PTGR2: variants seen among roughly 807,000 people sequenced by gnomAD.
PTGR2 encodes the protein 15-oxoprostaglandin 13-reductase.
In PTGR2, 32 loss-of-function variants were observed where a neutral mutation model predicts 43.4. That is an observed-to-expected ratio of 0.74 (90% CI 0.56 to 0.99). The LOEUF is 0.99. Among genes scored for constraint, PTGR2 ranks in the 50% least tolerant of loss-of-function variants. The probability of loss-of-function intolerance (pLI) is 0.00; values close to 1 mark genes in which losing one functional copy is unlikely to be tolerated. For synonymous variants in PTGR2, 106 were observed against 139.2 expected, an observed-to-expected ratio of 0.76 and a Z score of 1.68; for missense variants, 373 against 420.0, an observed-to-expected ratio of 0.89 and a Z score of 0.98.
chr14:73,868,571 AC>A (rs1443288159), intron 3 of PTGR2, among the ~76,000 whole-genome samples: 4 of 152,070 alleles, frequency 2.6e-5, no homozygotes, highest in African/African-American at 9.6e-5. Context: ...TCATATACAA[AC>A]CAACCAATCC....
chr14:73,872,760 C>T (rs1361983113), intron 3 of PTGR2, among the ~76,000 whole-genome samples: 1 of 151,638 alleles, frequency 6.6e-6, no homozygotes, highest in Non-Finnish European at 1.5e-5. Context: ...AGCAGATCAA[C>T]GAGGTCAGGA....
At chr14:73,856,300 C>CA (rs928628646) in intron 1 of PTGR2, among the ~76,000 whole-genome samples, 2 of 152,054 alleles carry the variant, frequency 1.3e-5, no homozygotes, top group Non-Finnish European at 2.9e-5. Flanking sequence ...GACTGGAGTG[C>CA]AGTGGCGCAA....
intron 1 of PTGR2, among the ~76,000 whole-genome samples, chr14:73,854,287 G>A (rs989072382): frequency 6.6e-6 from 1 of 151,706 alleles, no homozygotes; most frequent in Admixed American, 6.6e-5. Context: ...ATTTTTAGTA[G>A]GGCAGAGTTT....
chr14:73,879,357 GAT>G (rs2054932358), intron 6 of PTGR2, 52 bp downstream of exon 6: 16 of 1,524,248 alleles, frequency 1.0e-5, no homozygotes, highest in Non-Finnish European at 1.4e-5. Context: ...TATATGTTGT[GAT>G]ATCTTTTTAC....
intron 3 of PTGR2, among the ~76,000 whole-genome samples, chr14:73,865,327 C>T (rs1260750099): frequency 6.6e-6 from 1 of 152,144 alleles, no homozygotes; most frequent in Non-Finnish European, 1.5e-5. Flanking sequence ...TGTCAGAGGG[C>T]AGGAGAAGAA....
chr14:73,866,086 C>A (rs1475331536), intron 3 of PTGR2, among the ~76,000 whole-genome samples: 4 of 151,870 alleles, frequency 2.6e-5, no homozygotes, highest in Non-Finnish European at 5.9e-5. Flanking sequence ...ACTGCAACCT[C>A]CACTTCCCGG....
In PTGR2 at chr14:73,874,254, A is replaced by G. The variant is rs192272978; in HGVS notation, c.348+40A>G. 14,013 of 1,420,948 alleles carry G rather than the reference A, an allele frequency of 9.9e-3. 106 individuals are homozygous for G. The highest frequency in any genetic ancestry group is 0.012 in the Non-Finnish European group (12,557 of 1,033,792). 88.0% of individuals were successfully genotyped at this position (1,420,948 alleles called of 1,614,324 possible). A position where few individuals can be genotyped will look rare whatever the true frequency, so the allele number is the denominator to read the frequency against. On this transcript the variant is annotated intron_variant, in intron 4 of 9. Transcript: ENST00000555661. The stretch of plus-strand genomic sequence containing the variant: ...AACATATCTGATTTTTTTTCCCCGT[A>G]TAATTCTTACTTTGTGCATTTGATA...
intron 4 of PTGR2, among the ~76,000 whole-genome samples, chr14:73,875,346 T>C (rs1247959595): frequency 6.6e-6 from 1 of 151,596 alleles, no homozygotes; most frequent in African/African-American, 2.4e-5. Flanking sequence ...GGAGTTTGAG[T>C]TGATTTTTTT....
chr14:73,854,014 C>G (rs2054288835), intron 1 of PTGR2, among the ~76,000 whole-genome samples: 1 of 152,124 alleles, frequency 6.6e-6, no homozygotes, highest in Non-Finnish European at 1.5e-5. Context: ...ACAATCTACC[C>G]TTCTTTCAGA....
intron 2 of PTGR2, among the ~76,000 whole-genome samples, chr14:73,859,282 A>C (rs191385036): frequency 1.3e-5 from 2 of 152,132 alleles, no homozygotes; most frequent in African/African-American, 2.4e-5. Flanking sequence ...CAGTGCTGAC[A>C]TGTAAACTGC....
rs1370071439 is a variant in PTGR2, at chr14:73,885,220, G to A, written c.*1043G>A. 3 of 152,198 alleles carry A rather than the reference G, an allele frequency of 2.0e-5. No homozygotes were observed. Among genetic ancestry groups the A allele is most frequent in the African/African-American group, 7.2e-5 (3 of 41,438 alleles). 9.4% of individuals were successfully genotyped at this position (152,198 alleles called of 1,614,324 possible). A position where few individuals can be genotyped will look rare whatever the true frequency, so the allele number is the denominator to read the frequency against. On this transcript the variant is annotated 3_prime_UTR_variant, in exon 10 of 10. Coordinates refer to ENST00000555661, the MANE Select transcript of PTGR2 (RefSeq NM_001146154.2). Reference sequence around the variant, plus strand: ...TGGAGAATCATTTGAACCTGGGAGGGGGAGGTTGCCGTGAGCTGAGCTTGC... The same window carrying A: ...TGGAGAATCATTTGAACCTGGGAGGAGGAGGTTGCCGTGAGCTGAGCTTGC...
rs2054880326 is a variant in PTGR2, at chr14:73,876,983, T to C, written c.349-15T>C. The C allele has an allele frequency of 6.3e-7, 1 of 1,597,922 alleles. No individual in the cohort carries two copies. Among genetic ancestry groups the C allele is most frequent in the African/African-American group, 1.3e-5 (1 of 74,378 alleles). Reference sequence around the variant, plus strand: ...GAATTCCTAGTATTTTTAAAGGGTATATATTTTATTTTAGGTAGACCCACA... The same window carrying C: ...GAATTCCTAGTATTTTTAAAGGGTACATATTTTATTTTAGGTAGACCCACA... On this transcript the variant is annotated splice_polypyrimidine_tract_variant and intron_variant, in intron 4 of 9. Transcript: ENST00000555661.
chr14:73,867,128 A>G (rs989085888), intron 3 of PTGR2, among the ~76,000 whole-genome samples: 7 of 151,576 alleles, frequency 4.6e-5, no homozygotes, highest in South Asian at 2.1e-4. Flanking sequence ...AAAAAAAAGA[A>G]GAAGAAGAAG....
chr14:73,882,683 G>A (rs368251741), intron 9 of PTGR2, among the ~76,000 whole-genome samples: 1 of 150,490 alleles, frequency 6.6e-6, no homozygotes, highest in Non-Finnish European at 1.5e-5. Flanking sequence ...TGTATTTTTA[G>A]TAGAGACGGG....
At chr14:73,870,745 C>T (rs1213820331) in intron 3 of PTGR2, among the ~76,000 whole-genome samples, 1 of 152,172 alleles carries the variant, frequency 6.6e-6, no homozygotes, top group Non-Finnish European at 1.5e-5. Flanking sequence ...CCTGCCTCAG[C>T]CTCCCAAAGT....
chr14:73,852,343 C>G (rs565683831), intron 1 of PTGR2, among the ~76,000 whole-genome samples: 1 of 152,126 alleles, frequency 6.6e-6, no homozygotes, highest in South Asian at 2.1e-4. Flanking sequence ...CTCACTGCAG[C>G]CTCCATCTCT....
intron 1 of PTGR2, among the ~76,000 whole-genome samples, chr14:73,853,385 T>C (rs920257562): frequency 3.0e-4 from 45 of 151,356 alleles, no homozygotes; most frequent in African/African-American, 1.0e-3. Context: ...TGCAATGGCG[T>C]GATCTCGGCT....
chr14:73,855,353 C>T (rs758154501), intron 1 of PTGR2, among the ~76,000 whole-genome samples: 4 of 152,092 alleles, frequency 2.6e-5, no homozygotes, highest in Non-Finnish European at 4.4e-5. Context: ...CAATGACAGA[C>T]GATGAGCCTC....
intron 4 of PTGR2, 26 bp downstream of exon 4, chr14:73,874,240 T>G (rs752737579): frequency 6.8e-7 from 1 of 1,471,000 alleles, no homozygotes; most frequent in South Asian, 1.2e-5. Context: ...ACATATCTGA[T>G]TTTTTTTCCC....
Sources: allele counts gnomAD v4.1 joint callset (sites outside exome capture counted in the v4.1 genomes callset), GRCh38; gene constraint gnomAD v4.1.1; transcripts MANE v1.5; gene names NCBI Gene and HGNC (gene_info 2026-07-23, HGNC 2026-07-21).